Variants in PIKFYVE observed in about 807,000 individuals in gnomAD.
PIKFYVE encodes 1-phosphatidylinositol 3-phosphate 5-kinase.
Under a neutral mutation model 257.9 loss-of-function variants are expected in PIKFYVE, and 122 were observed. The ratio of observed to expected loss-of-function variants is 0.47; its 90% CI spans 0.41 to 0.55. The LOEUF is 0.55. Among genes scored for constraint, PIKFYVE ranks in the 20% least tolerant of loss-of-function variants. PIKFYVE has a pLI of 0.00. For synonymous variants in PIKFYVE, 892 were observed against 868.9 expected (o/e 1.03, Z -0.47); for missense variants, 2,160 against 2,536.6 (o/e 0.85, Z 3.19).
At chr2:208,267,660 C>G (rs903883314) in intron 1 of PIKFYVE, among the ~76,000 whole-genome samples, 1 of 152,100 alleles carries the variant, frequency 6.6e-6, no homozygotes, top group East Asian at 1.9e-4. Context: ...GCGCGCGACA[C>G]CACACTCGGC....
chr2:208,346,187 C>A, intron 34 of PIKFYVE, 40 bp downstream of exon 34: 1 of 1,432,704 alleles, frequency 7.0e-7, no homozygotes, highest in Non-Finnish European at 9.7e-7. Context: ...ATTAGATTTA[C>A]CTATAATTAT....
chr2:208,315,825 A>G (rs1173972237), intron 15 of PIKFYVE, among the ~76,000 whole-genome samples: 2 of 126,938 alleles, frequency 1.6e-5, no homozygotes, highest in Non-Finnish European at 3.3e-5. Flanking sequence ...TTAAAACATT[A>G]TGACATTTTT....
At chr2:208,313,995 G>A (rs558703830) in intron 13 of PIKFYVE, among the ~76,000 whole-genome samples, 1 of 152,300 alleles carries the variant, frequency 6.6e-6, no homozygotes, top group East Asian at 1.9e-4. Flanking sequence ...TTATTGGCTT[G>A]AGAGTCTTAG....
intron 2 of PIKFYVE, 137 bp downstream of exon 2, chr2:208,271,828 A>G (rs1036759696): frequency 2.7e-5 from 22 of 829,468 alleles, no homozygotes; most frequent in Non-Finnish European, 4.1e-5. Context: ...AGAAAGTGAA[A>G]TATTAACAAG....
intron 5 of PIKFYVE, among the ~76,000 whole-genome samples, chr2:208,280,075 T>A (rs1690608629): frequency 6.6e-6 from 1 of 152,194 alleles, no homozygotes; most frequent in African/African-American, 2.4e-5. Flanking sequence ...AAAATGATAA[T>A]TTGATCATGT....
At chr2:208,321,040 A>G (rs1696148310) in intron 17 of PIKFYVE, among the ~76,000 whole-genome samples, 1 of 152,206 alleles carries the variant, frequency 6.6e-6, no homozygotes, top group Non-Finnish European at 1.5e-5. Flanking sequence ...TACTTGAGGC[A>G]GCCTCATGCC....
In PIKFYVE at chr2:208,332,093, A is replaced by G. The variant is rs145040100; in HGVS notation, c.3964-1222A>G. 1.8e-3 allele frequency among the ~76,000 whole-genome samples: 268 copies of G among 152,324 alleles called. 4 individuals carry two copies. In the East Asian group the frequency reaches 0.035, roughly 20 times the overall value. ...TTCCAGTGTCAAGGAAAAATACAAC[A>G]TATATGACTAAACATAAATATATAT... On this transcript the variant is annotated intron_variant, in intron 23 of 41. Transcript: ENST00000264380.
intron 8 of PIKFYVE, among the ~76,000 whole-genome samples, chr2:208,299,966 T>C (rs962386424): frequency 6.6e-6 from 1 of 151,982 alleles, no homozygotes; most frequent in Admixed American, 6.6e-5. Flanking sequence ...TAGGGTGCTG[T>C]GATCATGGCT....
chr2:208,293,310 AGTT>A (rs1692555144), intron 7 of PIKFYVE, among the ~76,000 whole-genome samples: 1 of 152,174 alleles, frequency 6.6e-6, no homozygotes, highest in African/African-American at 2.4e-5. Context: ...TTGAAGAAAT[AGTT>A]ATCTGTTACA....
chr2:208,314,801 C>A (rs1326002487), intron 14 of PIKFYVE, among the ~76,000 whole-genome samples: 1 of 152,012 alleles, frequency 6.6e-6, no homozygotes, highest in East Asian at 1.9e-4. Context: ...GAGGCTGAGA[C>A]AGGAGGATTG....
chr2:208,327,144 AT>A (rs1315333936), intron 20 of PIKFYVE, among the ~76,000 whole-genome samples: 1 of 152,152 alleles, frequency 6.6e-6, no homozygotes, highest in Non-Finnish European at 1.5e-5. Flanking sequence ...ATAATTTTTT[AT>A]TTGTCAGATT....
intron 31 of PIKFYVE, among the ~76,000 whole-genome samples, chr2:208,341,847 A>G (rs1029949467): frequency 6.6e-6 from 1 of 152,074 alleles, no homozygotes; most frequent in Non-Finnish European, 1.5e-5. Context: ...GTAAACATTC[A>G]TTCTGTAGCA....
intron 31 of PIKFYVE, 122 bp from the exon 32 acceptor site, chr2:208,342,432 C>T (rs1293848072): frequency 1.4e-5 from 10 of 734,572 alleles, no homozygotes; most frequent in Non-Finnish European, 2.3e-5. Context: ...AAAACTTTCT[C>T]TTGAAATCTT....
chr2:208,298,680 T>C lies in PIKFYVE; in HGVS notation c.951T>C (p.Gly317=), dbSNP rs935867273. 2 of 1,614,024 alleles carry C rather than the reference T, an allele frequency of 1.2e-6. No individual in the cohort carries two copies. The highest frequency in any genetic ancestry group is 2.7e-5 in the African/African-American group (2 of 74,932). ...SITNLSLDRS[G]SPMVPSYETS... ...CTAACCTGTCACTGGATAGATCTGG[T>C]TCTCCTATGGTACCTTCATATGAGA... Residue 317 remains glycine, a synonymous_variant, in exon 8 of 42, where the codon GGT becomes GGC. Transcript: ENST00000264380.
At chr2:208,325,199 G>T (rs1696779231) in intron 19 of PIKFYVE, 71 bp from the exon 20 acceptor site, 2 of 1,561,644 alleles carry the variant, frequency 1.3e-6, no homozygotes, top group Non-Finnish European at 1.8e-6. Context: ...TTAAGAGAGT[G>T]AATTAATTCT....
chr2:208,308,224 C>A (rs1038940731), intron 12 of PIKFYVE, among the ~76,000 whole-genome samples: 3 of 151,732 alleles, frequency 2.0e-5, no homozygotes, highest in African/African-American at 7.3e-5. Flanking sequence ...TGTGGCAAAA[C>A]CCCGTCTCTA....
chr2:208,315,755 G>T (rs1695430051), intron 15 of PIKFYVE, among the ~76,000 whole-genome samples: 1 of 152,082 alleles, frequency 6.6e-6, no homozygotes, highest in Non-Finnish European at 1.5e-5. Flanking sequence ...CTCGTGGCCT[G>T]TGGGCTGCAT....
intron 12 of PIKFYVE, among the ~76,000 whole-genome samples, chr2:208,309,025 C>T (rs1313415641): frequency 1.3e-5 from 2 of 152,052 alleles, no homozygotes; most frequent in South Asian, 2.1e-4. Context: ...AGTATTAACA[C>T]GTGGATTTGT....
At position 208,350,941 on chromosome 2, in the gene PIKFYVE, A is replaced by C; in HGVS notation, c.5605A>C (p.Thr1869Pro). 1 of 1,614,108 alleles carries C rather than the reference A, an allele frequency of 6.2e-7. No individual in the cohort carries two copies. Among genetic ancestry groups the C allele is most frequent in the Non-Finnish European group, 8.5e-7 (1 of 1,180,008 alleles). The change falls in exon 37 of 42, where the codon ACT becomes CCT. Residue 1869 changes from threonine (T) to proline (P), a missense_variant. This residue lies in a region of PIKFYVE where 699 missense variants were observed against 855.8 expected (regional missense o/e 0.82). Transcript: ENST00000264380. ...GGKSGAAFYA[T>P]EDDRFILKQM... is the part of the protein sequence containing the mutation. ...CAAATCAGGAGCTGCCTTCTATGCAACTGAGGGTGAGCCTTTCTCATCGTT... is the reference window on the plus strand; with the variant it reads ...CAAATCAGGAGCTGCCTTCTATGCACCTGAGGGTGAGCCTTTCTCATCGTT...
Sources: allele counts gnomAD v4.1 joint callset (sites outside exome capture counted in the v4.1 genomes callset), GRCh38; gene constraint gnomAD v4.1.1; regional missense constraint gnomAD v4.1.1; transcripts MANE v1.5; gene names NCBI Gene and HGNC (gene_info 2026-07-23, HGNC 2026-07-21).